Variants in ANKRD12 observed in about 807,000 individuals in gnomAD.
ANKRD12 encodes the protein ankyrin repeat domain 12, also known as ankyrin repeat domain-containing protein 12.
In ANKRD12, 85 loss-of-function variants were observed where a neutral mutation model predicts 183.4. The observed-to-expected ratio is 0.46, with a 90% confidence interval of 0.39 to 0.56. The LOEUF is 0.56. Ranked by LOEUF, ANKRD12 falls within the 20% of genes least tolerant of loss-of-function variation. The pLI, the probability that ANKRD12 is intolerant of heterozygous loss-of-function variation, is 0.00. For missense variants in ANKRD12, 2,405 were observed against 2,357.1 expected (o/e 1.02, Z -0.42); for synonymous variants, 914 against 800.2 (o/e 1.14, Z -2.40).
At chr18:9,278,539 C>G in intron 11 of ANKRD12, among the ~76,000 whole-genome samples, 1 of 152,228 alleles carries the variant, frequency 6.6e-6, no homozygotes, top group East Asian at 1.9e-4. Context: ...TGGCTTACGC[C>G]TGTATTCCCA....
chr18:9,252,670 T>G (rs2038367904), intron 8 of ANKRD12, among the ~76,000 whole-genome samples: 1 of 152,164 alleles, frequency 6.6e-6, no homozygotes, highest in African/African-American at 2.4e-5. Context: ...TTAAGATAAT[T>G]TACAGGGCTG....
chr18:9,271,607 C>T (rs2039608947), intron 10 of ANKRD12, among the ~76,000 whole-genome samples: 1 of 152,166 alleles, frequency 6.6e-6, no homozygotes, highest in Non-Finnish European at 1.5e-5. Context: ...ATCCTCCTGC[C>T]TTAGCCTCCC....
intron 8 of ANKRD12, among the ~76,000 whole-genome samples, chr18:9,234,877 G>T (rs1316968731): frequency 6.6e-6 from 1 of 152,136 alleles, no homozygotes; most frequent in African/African-American, 2.4e-5. Flanking sequence ...TTGTGATGGG[G>T]TTGTGGACTA....
chr18:9,208,602 G>A (rs1039803154), intron 4 of ANKRD12, 55 bp from the exon 5 acceptor site: 1 of 1,502,774 alleles, frequency 6.7e-7, no homozygotes, highest in Middle Eastern at 1.8e-4. Context: ...TCTTAAACTT[G>A]CTTTTGAGTA....
intron 2 of ANKRD12, among the ~76,000 whole-genome samples, chr18:9,183,561 T>G (rs985893101): frequency 6.6e-6 from 1 of 152,354 alleles, no homozygotes; most frequent in African/African-American, 2.4e-5. Context: ...TGATTTTTGA[T>G]GTAGTTATCT....
chr18:9,235,677 G>C (rs142912387), intron 8 of ANKRD12: 3 of 456,150 alleles, frequency 6.6e-6, no homozygotes, highest in African/African-American at 6.0e-5. Flanking sequence ...AAGCTCAGCG[G>C]AGCAAGTTGA....
intron 1 of ANKRD12, among the ~76,000 whole-genome samples, chr18:9,177,508 C>T (rs889014389): frequency 6.6e-6 from 1 of 152,074 alleles, no homozygotes; most frequent in African/African-American, 2.4e-5. Context: ...GTGCATAGAA[C>T]ATGTAATGAT....
chr18:9,178,607 A>G (rs532969072), intron 1 of ANKRD12, among the ~76,000 whole-genome samples: 3 of 152,114 alleles, frequency 2.0e-5, no homozygotes, highest in Non-Finnish European at 4.4e-5. Context: ...TTTTCCCAAC[A>G]TTATTTGGAC....
intron 8 of ANKRD12, among the ~76,000 whole-genome samples, chr18:9,246,737 A>G (rs62085930): frequency 0.17 from 26,066 of 152,258 alleles, 2,962 homozygotes; most frequent in East Asian, 0.36. Flanking sequence ...TACATGATAC[A>G]TTCGTCTCTT....
At chr18:9,159,791 A>G (rs953576557) in intron 1 of ANKRD12, among the ~76,000 whole-genome samples, 1 of 147,502 alleles carries the variant, frequency 6.8e-6, no homozygotes, top group Admixed American at 6.8e-5. Flanking sequence ...ATACATGTAT[A>G]GTAGTTTCAG....
At chr18:9,173,836 G>A (rs114264209) in intron 1 of ANKRD12, among the ~76,000 whole-genome samples, 1,576 of 152,270 alleles carry the variant, frequency 0.01, 22 homozygotes, top group African/African-American at 0.036. Flanking sequence ...GAGCCAGCCC[G>A]CTTAGAAAGG....
At chr18:9,198,999 A>G (rs1199527634) in intron 3 of ANKRD12, among the ~76,000 whole-genome samples, 1 of 152,178 alleles carries the variant, frequency 6.6e-6, no homozygotes, top group East Asian at 1.9e-4. Flanking sequence ...ACCCTTAAAA[A>G]TAATGTAGTA....
intron 1 of ANKRD12, among the ~76,000 whole-genome samples, chr18:9,180,313 G>C (rs2033612673): frequency 6.6e-6 from 1 of 151,974 alleles, no homozygotes; most frequent in Non-Finnish European, 1.5e-5. Flanking sequence ...TACTTCCATG[G>C]GTTCTTTTTC....
chr18:9,243,648 G>A (rs569249173), intron 8 of ANKRD12, among the ~76,000 whole-genome samples: 15 of 152,234 alleles, frequency 9.9e-5, no homozygotes, highest in Middle Eastern at 6.8e-3. Flanking sequence ...GATAATATAT[G>A]ATTACTAAAG....
chr18:9,144,585 A>G (rs1056841691), intron 1 of ANKRD12, among the ~76,000 whole-genome samples: 4 of 152,224 alleles, frequency 2.6e-5, no homozygotes, highest in African/African-American at 9.6e-5. Context: ...TTCATTATGA[A>G]GTGCTAATAG....
intron 1 of ANKRD12, among the ~76,000 whole-genome samples, chr18:9,140,157 T>C (rs2078267505): frequency 6.6e-6 from 1 of 152,200 alleles, no homozygotes; most frequent in Non-Finnish European, 1.5e-5. Context: ...AAAGTAATTT[T>C]CCTGCATAAT....
chr18:9,211,360 G>A (rs2035792807), intron 5 of ANKRD12, among the ~76,000 whole-genome samples: 1 of 151,958 alleles, frequency 6.6e-6, no homozygotes, highest in Non-Finnish European at 1.5e-5. Context: ...TTTATGAATT[G>A]ACAAAACATT....
intron 8 of ANKRD12, among the ~76,000 whole-genome samples, chr18:9,243,870 C>A (rs1042941946): frequency 6.6e-6 from 1 of 152,162 alleles, no homozygotes; most frequent in African/African-American, 2.4e-5. Context: ...TGCGGTGGCC[C>A]ACGCCTGTAA....
At chr18:9,207,100 A>C (rs2035531308) in intron 4 of ANKRD12, among the ~76,000 whole-genome samples, 1 of 152,102 alleles carries the variant, frequency 6.6e-6, no homozygotes, top group South Asian at 2.1e-4. Context: ...TAAAACAACA[A>C]CACTTGTAGT....
Sources: gnomAD v4.1 joint callset for allele counts (sites outside exome capture counted in the v4.1 genomes callset) on GRCh38, gnomAD v4.1.1 for gene constraint, MANE v1.5 for transcripts, NCBI Gene and HGNC (gene_info 2026-07-23, HGNC 2026-07-21) for gene names.